Variants in WDFY4 observed in about 807,000 individuals in gnomAD.
WDFY4 encodes WDFY family member 4, also known as WD repeat- and FYVE domain-containing protein 4.
A neutral mutation model predicts 351.9 loss-of-function variants in WDFY4; 169 were observed. The observed-to-expected ratio is 0.48, with a 90% CI of 0.42 to 0.55. The LOEUF is 0.55. Ranked by LOEUF, WDFY4 falls within the 20% of genes least tolerant of loss-of-function variation. The pLI is 0.00. For missense variants in WDFY4, 3,803 were observed against 3,935.6 expected (o/e 0.97, Z 0.90); for synonymous variants, 1,622 against 1,574.6 (o/e 1.03, Z -0.71).
chr10:48,868,559 A>T (rs2069640368), intron 40 of WDFY4, among the ~76,000 whole-genome samples: 2 of 152,152 alleles, frequency 1.3e-5, no homozygotes, highest in Non-Finnish European at 2.9e-5. Context: ...AGACCATTGC[A>T]CGTTAATGAC....
intron 51 of WDFY4, among the ~76,000 whole-genome samples, chr10:48,953,446 C>A (rs1411717234): frequency 6.6e-6 from 1 of 152,078 alleles, no homozygotes; most frequent in Non-Finnish European, 1.5e-5. Context: ...CACTTGAGTT[C>A]ATCCTGCAAG....
At chr10:48,898,862 C>T (rs1200349418) in intron 45 of WDFY4, among the ~76,000 whole-genome samples, 1 of 150,930 alleles carries the variant, frequency 6.6e-6, no homozygotes, top group Non-Finnish European at 1.5e-5. Context: ...GGCCAATCTC[C>T]ACCTCAGCTC....
At chr10:48,821,919 CGTG>C (rs2067836676) in intron 34 of WDFY4, among the ~76,000 whole-genome samples, 1 of 152,198 alleles carries the variant, frequency 6.6e-6, no homozygotes, top group African/African-American at 2.4e-5. Flanking sequence ...GGACGACAGT[CGTG>C]GTGAACTCAC....
rs919058811 is a variant in WDFY4 at position 48,847,949 on chromosome 10, C to T, written c.6663+15240C>T. Among the ~76,000 whole-genome samples the T allele has an allele frequency of 3.3e-5, 5 of 151,866 alleles. No homozygotes were observed. The South Asian group carries it at 6.2e-4, about 19-fold the overall frequency. ...CTGGTCCCTCTTCACCCGCTCGGAG[C>T]GCCAGTTGTTTGTCATTATAGCTGG... On this transcript the variant is annotated intron_variant, in intron 39 of 61. Coordinates refer to ENST00000325239, the MANE Select transcript of WDFY4 (RefSeq NM_001394531.1).
rs1198387129 is a variant in WDFY4, at chr10:48,689,970, CACCTGATTTT to C, written c.-18+4971_-18+4980del. On this transcript the variant is annotated intron_variant, in intron 1 of 61. Coordinates refer to ENST00000325239, the MANE Select transcript of WDFY4 (RefSeq NM_001394531.1). ...CTGAGCTGGGATTTGATCCTAGTTCCACCTGATTTTAAAGCCTGTGCACTTGCATTAGACC... is the reference window on the plus strand; with the variant it reads ...CTGAGCTGGGATTTGATCCTAGTTCCAAAGCCTGTGCACTTGCATTAGACC... 2.0e-5 allele frequency among the ~76,000 whole-genome samples: 3 copies of C among 152,178 alleles called. No homozygotes were observed. In the East Asian group the frequency reaches 5.8e-4, roughly 29 times the overall value.
chr10:48,830,804 C>G lies in WDFY4; in HGVS notation c.6445C>G (p.Pro2149Ala). The G allele has an allele frequency of 6.4e-7, 1 of 1,551,680 alleles. No individual in the cohort carries two copies. The highest frequency in any genetic ancestry group is 1.2e-5 in the South Asian group (1 of 84,062). The change falls in exon 38 of 62, where the codon CCT becomes GCT. Residue 2149 changes from proline to alanine, a missense_variant. Transcript: ENST00000325239. ...DAFKIDLSVK[P>A]GEREVKIEEV... Reference sequence around the variant, plus strand: ...CTTCAAGATCGATCTCTCTGTGAAACCTGGAGAGAGGGAAGTGAAGATTGA... The same window carrying G: ...CTTCAAGATCGATCTCTCTGTGAAAGCTGGAGAGAGGGAAGTGAAGATTGA...
intron 39 of WDFY4, among the ~76,000 whole-genome samples, chr10:48,865,828 T>C (rs1049172169): frequency 5.3e-5 from 8 of 152,206 alleles, no homozygotes; most frequent in African/African-American, 1.9e-4. Flanking sequence ...TTTCTAGGAA[T>C]TTGTTCATCT....
At chr10:48,898,815 C>T (rs1837217165) in intron 45 of WDFY4, among the ~76,000 whole-genome samples, 1 of 152,094 alleles carries the variant, frequency 6.6e-6, no homozygotes, top group African/African-American at 2.4e-5. Context: ...AAGTAGCAGC[C>T]CTGCCCTGAT....
intron 32 of WDFY4, 115 bp downstream of exon 32, chr10:48,817,524 A>C (rs2067662992): frequency 7.7e-7 from 1 of 1,295,660 alleles, no homozygotes; most frequent in Admixed American, 2.8e-5. Context: ...TTTTAAGGCA[A>C]CTTGAGCGGA....
intron 12 of WDFY4, 42 bp downstream of exon 12, chr10:48,743,590 CCCATT>C: frequency 6.7e-7 from 1 of 1,502,424 alleles, no homozygotes; most frequent in Middle Eastern, 1.7e-4. Flanking sequence ...ATCTCTGTCT[CCCATT>C]CTCACTCTAA....
Position 48,872,700 on chromosome 10 carries a change from A to G in WDFY4, c.6742-791A>G, listed in dbSNP as rs531674260. On this transcript the variant is annotated intron_variant, in intron 40 of 61. Transcript: ENST00000325239. The stretch of plus-strand genomic sequence containing the variant: ...GATGCATGTAACTTTAATGTGGTCT[A>G]TAAATGCAGGTTGGGGGTATCTATG... 2.6e-5 allele frequency among the ~76,000 whole-genome samples: 4 copies of G among 152,346 alleles called. No homozygotes were observed. In the South Asian group the frequency reaches 6.2e-4, roughly 24 times the overall value.
intron 24 of WDFY4, among the ~76,000 whole-genome samples, chr10:48,803,035 G>A (rs986258947): frequency 3.3e-5 from 5 of 152,048 alleles, no homozygotes; most frequent in Admixed American, 1.3e-4. Context: ...TAGTGCAGGC[G>A]TCCTTGGTTG....
chr10:48,967,175 A>G (rs1842122924), intron 55 of WDFY4: 1 of 153,708 alleles, frequency 6.5e-6, no homozygotes. Context: ...TCTGGGGCAG[A>G]TGGCCCAGGA....
At chr10:48,899,500 A>G (rs1024796510) in intron 45 of WDFY4, among the ~76,000 whole-genome samples, 16 of 151,356 alleles carry the variant, frequency 1.1e-4, no homozygotes, top group Non-Finnish European at 7.4e-5. Flanking sequence ...CCTTCCCTCC[A>G]TGTACAGGTC....
intron 13 of WDFY4, among the ~76,000 whole-genome samples, chr10:48,768,865 T>C (rs1464485183): frequency 6.6e-6 from 1 of 152,022 alleles, no homozygotes; most frequent in Non-Finnish European, 1.5e-5. Context: ...TCTTGAGTAA[T>C]AAGCAGGAGC....
At chr10:48,946,495 C>G (rs929656814) in intron 50 of WDFY4, among the ~76,000 whole-genome samples, 1 of 152,274 alleles carries the variant, frequency 6.6e-6, no homozygotes, top group South Asian at 2.1e-4. Context: ...AGCACTTTCT[C>G]TCTGCCAGGG....
chr10:48,848,110 G>A (rs73312030), intron 39 of WDFY4, among the ~76,000 whole-genome samples: 8,896 of 152,134 alleles, frequency 0.058, 891 homozygotes, highest in African/African-American at 0.2. Context: ...CCAAATACAC[G>A]TCCCCCAAAG....
intron 42 of WDFY4, 103 bp from the exon 43 acceptor site, chr10:48,876,929 TG>T: frequency 1.6e-6 from 2 of 1,216,752 alleles, no homozygotes; most frequent in Non-Finnish European, 2.2e-6. Flanking sequence ...ACTTCGGCCC[TG>T]GAGCCTTGCT....
In WDFY4 at chr10:48,901,872, G is replaced by T. The variant is rs559997468; in HGVS notation, c.7586+9G>T. Reference sequence around the variant, plus strand: ...GACACCCTCAGTCTAAGGTAATGGCGGGTAGCCATGCTGTCTGGGCATGGC... The same window carrying T: ...GACACCCTCAGTCTAAGGTAATGGCTGGTAGCCATGCTGTCTGGGCATGGC... On this transcript the variant is annotated intron_variant, in intron 47 of 61. Coordinates refer to ENST00000325239, the MANE Select transcript of WDFY4 (RefSeq NM_001394531.1). 6.4e-7 allele frequency: 1 copy of T among 1,551,134 alleles called. No individual in the cohort carries two copies. The highest frequency in any genetic ancestry group is 1.2e-5 in the South Asian group (1 of 84,036).
Sources: allele counts gnomAD v4.1 joint callset (sites outside exome capture counted in the v4.1 genomes callset), GRCh38; gene constraint gnomAD v4.1.1; transcripts MANE v1.5; gene names NCBI Gene and HGNC (gene_info 2026-07-23, HGNC 2026-07-21).